TIMP3: variants seen among roughly 807,000 people sequenced by gnomAD.
TIMP3 encodes TIMP metallopeptidase inhibitor 3.
A neutral mutation model predicts 30.0 loss-of-function variants in TIMP3; 11 were observed. The observed-to-expected ratio is 0.37, with a 90% CI of 0.23 to 0.61. The LOEUF (loss-of-function observed/expected upper bound fraction) is 0.61, where lower values mean the gene tolerates loss of function less well. Among genes scored for constraint, TIMP3 ranks in the 20% least tolerant of loss-of-function variants. The pLI is 0.70. For synonymous variants in TIMP3, 112 were observed against 111.3 expected (o/e 1.01, Z -0.04); for missense variants, 181 against 276.8 (o/e 0.65, Z 2.45).
At chr22:32,803,175 G>C (rs371025631) in intron 1 of TIMP3, among the ~76,000 whole-genome samples, 1 of 152,166 alleles carries the variant, frequency 6.6e-6, no homozygotes, top group African/African-American at 2.4e-5. Context: ...CACTGGGCTG[G>C]GCTGGGCGGT....
rs573801581 is a variant in TIMP3, at chr22:32,814,229, A to G, written c.121+12107A>G. ...AGAAAACAAAGAAAGGAAAGAAAGA[A>G]AAAAAAAGAAAGAAAGAAGGAAAGA... On this transcript the variant is annotated intron_variant, in intron 1 of 4. Transcript: ENST00000266085. 3.5e-3 allele frequency among the ~76,000 whole-genome samples: 489 copies of G among 138,930 alleles called. 4 individuals carry two copies. Among genetic ancestry groups the G allele is most frequent in the Non-Finnish European group, 5.2e-3 (332 of 63,960 alleles). 91.1% of individuals were successfully genotyped at this position (138,930 alleles called of 152,430 possible).
Position 32,858,008 on chromosome 22 carries a change from C to G in TIMP3, c.317-9C>G, listed in dbSNP as rs1213660608. 6.2e-7 allele frequency: 1 copy of G among 1,614,184 alleles called. No homozygotes were observed. The highest frequency in any genetic ancestry group is 1.1e-5 in the South Asian group (1 of 91,084). Reference sequence around the variant, plus strand: ...CAACCTCTCCTTGTTTTCTTCTTTCCTCCTGTAGGTCGCGTCTATGATGGC... The same window carrying G: ...CAACCTCTCCTTGTTTTCTTCTTTCGTCCTGTAGGTCGCGTCTATGATGGC... On this transcript the variant is annotated splice_polypyrimidine_tract_variant and intron_variant, in intron 3 of 4. Transcript: ENST00000266085.
intron 1 of TIMP3, among the ~76,000 whole-genome samples, chr22:32,810,071 T>C (rs1254269975): frequency 6.6e-6 from 1 of 152,256 alleles, no homozygotes; most frequent in Non-Finnish European, 1.5e-5. Context: ...TGTTCATGTC[T>C]GGCATCCAGG....
Position 32,823,258 on chromosome 22 carries a change from T to C in TIMP3, c.121+21136T>C, listed in dbSNP as rs73885112. On this transcript the variant is annotated intron_variant, in intron 1 of 4. Transcript: ENST00000266085. ...GGGACTTGTAAGTCCCGTGGTCAGTTACCTGATTGCTCTTACGGACCTGAC... is the reference window on the plus strand; with the variant it reads ...GGGACTTGTAAGTCCCGTGGTCAGTCACCTGATTGCTCTTACGGACCTGAC... 9.4e-3 allele frequency among the ~76,000 whole-genome samples: 1,439 copies of C among 152,296 alleles called. 31 individuals are homozygous for C. The highest frequency in any genetic ancestry group is 0.034 in the African/African-American group (1,401 of 41,566).
At chr22:32,858,960 C>G (rs2048456780) in intron 4 of TIMP3, among the ~76,000 whole-genome samples, 1 of 152,172 alleles carries the variant, frequency 6.6e-6, no homozygotes, top group South Asian at 2.1e-4. Flanking sequence ...CCTCCTAAAA[C>G]TGTGATAAGA....
At chr22:32,834,046 C>T (rs551851152) in intron 1 of TIMP3, among the ~76,000 whole-genome samples, 5 of 152,252 alleles carry the variant, frequency 3.3e-5, no homozygotes, top group Admixed American at 1.3e-4. Context: ...GCTTATCCTC[C>T]GAGAGCACTG....
In TIMP3 at chr22:32,861,212, G is replaced by A. The variant is rs550547187; in HGVS notation, c.*1835G>A. ...AAAGCAGCAGACAACACACTGTAGA[G>A]TCTTGCACACACACAAGTGCCCAGG... On this transcript the variant is annotated 3_prime_UTR_variant, in exon 5 of 5. Coordinates refer to ENST00000266085, the MANE Select transcript of TIMP3 (RefSeq NM_000362.5). 1 of 152,220 alleles carries A rather than the reference G, an allele frequency of 6.6e-6. No individual in the cohort carries two copies. Among genetic ancestry groups the A allele is most frequent in the East Asian group, 1.9e-4 (1 of 5,162 alleles). The allele number at this position is 152,220 out of a possible 1,614,324, so 9.4% of individuals were successfully genotyped here.
Position 32,860,428 on chromosome 22 carries a change from G to A in TIMP3, c.*1051G>A, listed in dbSNP as rs969120238. 6.6e-6 allele frequency: 1 copy of A among 152,580 alleles called. No individual in the cohort carries two copies. The highest frequency in any genetic ancestry group is 2.4e-5 in the African/African-American group (1 of 41,434). 9.5% of individuals were successfully genotyped at this position (152,580 alleles called of 1,614,324 possible). ...GGGGACATAAGCTAATTTTTTTACA[G>A]GACACAGAATTCTGTTCAATGCTGT... On this transcript the variant is annotated 3_prime_UTR_variant, in exon 5 of 5. Coordinates refer to ENST00000266085, the MANE Select transcript of TIMP3 (RefSeq NM_000362.5).
chr22:32,813,686 T>A (rs968753430), intron 1 of TIMP3, among the ~76,000 whole-genome samples: 6 of 151,484 alleles, frequency 4.0e-5, no homozygotes, highest in Admixed American at 2.6e-4. Context: ...TGGCAAAATG[T>A]GTCCTGCATT....
At chr22:32,812,933 G>A (rs1225282453) in intron 1 of TIMP3, among the ~76,000 whole-genome samples, 1 of 152,174 alleles carries the variant, frequency 6.6e-6, no homozygotes, top group African/African-American at 2.4e-5. Context: ...CAGAATCCAG[G>A]TTGGTCTCCA....
At chr22:32,859,089 T>A in intron 4 of TIMP3, 91 bp from the exon 5 acceptor site, 1 of 1,295,666 alleles carries the variant, frequency 7.7e-7, no homozygotes. Context: ...TCCCATGCAG[T>A]GGCCCCAGGG....
Position 32,801,717 on chromosome 22 carries a change from A to T in TIMP3, c.-285A>T. 1 of 197,186 alleles carries T rather than the reference A, an allele frequency of 5.1e-6. No individual in the cohort carries two copies. The highest frequency in any genetic ancestry group is 1.0e-5 in the Non-Finnish European group (1 of 99,756). 12.2% of individuals were successfully genotyped at this position (197,186 alleles called of 1,614,324 possible). On this transcript the variant is annotated 5_prime_UTR_variant, in exon 1 of 5. Coordinates refer to ENST00000266085, the MANE Select transcript of TIMP3 (RefSeq NM_000362.5). This position sits in a 1 kb window ranked among gnomAD's most constrained non-coding sequence, Gnocchi z 4.7. Reference sequence around the variant, plus strand: ...CAGGCAGCGGCGCAGAGCGGGCAGCAGGCAGGCGGCGGGCGCTCAGACGGC... The same window carrying T: ...CAGGCAGCGGCGCAGAGCGGGCAGCTGGCAGGCGGCGGGCGCTCAGACGGC...
intron 1 of TIMP3, among the ~76,000 whole-genome samples, chr22:32,803,102 C>A (rs1173912903): frequency 6.6e-6 from 1 of 152,134 alleles, no homozygotes; most frequent in East Asian, 1.9e-4. Flanking sequence ...ACATCTCTCT[C>A]CTCCTTTCCA....
chr22:32,821,580 C>G (rs757023973), intron 1 of TIMP3, among the ~76,000 whole-genome samples: 1 of 152,162 alleles, frequency 6.6e-6, no homozygotes, highest in Admixed American at 6.5e-5. Flanking sequence ...GTTCTGAAAT[C>G]ACAGAATTAA....
In TIMP3 at chr22:32,808,317, GCACT is replaced by G. The variant is rs201010158; in HGVS notation, c.121+6202_121+6205del. Among the ~76,000 whole-genome samples the G allele has an allele frequency of 8.5e-3, 1,288 of 152,276 alleles. 18 individuals are homozygous for G. Among genetic ancestry groups the G allele is most frequent in the African/African-American group, 0.027 (1,135 of 41,552 alleles). On this transcript the variant is annotated intron_variant, in intron 1 of 4. Coordinates refer to ENST00000266085, the MANE Select transcript of TIMP3 (RefSeq NM_000362.5). ...GGCCAGGCTCATGGTGGCAGCAAGGGCACTCACTCATCTGTCTCCCTTCTTGTTG... is the reference window on the plus strand; with the variant it reads ...GGCCAGGCTCATGGTGGCAGCAAGGGCACTCATCTGTCTCCCTTCTTGTTG...
At chr22:32,827,865 A>T (rs1435766660) in intron 1 of TIMP3, among the ~76,000 whole-genome samples, 1 of 152,074 alleles carries the variant, frequency 6.6e-6, no homozygotes, top group East Asian at 1.9e-4. Context: ...TTCCAGGAAC[A>T]CCTCATCCCC....
intron 2 of TIMP3, among the ~76,000 whole-genome samples, chr22:32,853,184 T>C (rs1367000292): frequency 6.6e-6 from 1 of 152,222 alleles, no homozygotes; most frequent in African/African-American, 2.4e-5. Flanking sequence ...CCATTCTTCT[T>C]GCAATGCCCG....
At chr22:32,802,204 C>A (rs2046607301) in intron 1 of TIMP3, 82 bp downstream of exon 1, 2 of 1,509,142 alleles carry the variant, frequency 1.3e-6, no homozygotes, top group African/African-American at 1.4e-5. Flanking sequence ...GCGAGCCCCA[C>A]TCCTTTCCTC....
intron 1 of TIMP3, among the ~76,000 whole-genome samples, chr22:32,813,486 TACACACACACACACAC>T (rs130277): frequency 5.3e-4 from 73 of 138,284 alleles, no homozygotes; most frequent in Middle Eastern, 3.6e-3. Flanking sequence ...TCTGAAAAGA[TACACACACACACACAC>T]ACACACACAC....
Sources: gnomAD v4.1 joint callset for allele counts (sites outside exome capture counted in the v4.1 genomes callset) on GRCh38, gnomAD v4.1.1 for gene constraint, Gnocchi (gnomAD v3.1) non-coding constraint, MANE v1.5 for transcripts, NCBI Gene and HGNC (gene_info 2026-07-23, HGNC 2026-07-21) for gene names.